The following CTIF variants were observed in gnomAD, a reference collection of about 807,000 sequenced individuals.
The protein encoded by CTIF is cap binding complex dependent translation initiation factor.
Under a neutral mutation model 66.0 loss-of-function variants are expected in CTIF, and 21 were observed. That is an observed-to-expected ratio of 0.32 (90% CI 0.23 to 0.46). CTIF has a LOEUF of 0.46. Among genes scored for constraint, CTIF ranks in the 20% least tolerant of loss-of-function variants. CTIF has a pLI of 1.00. For missense variants in CTIF, 739 were observed against 812.7 expected (o/e 0.91, Z 1.10); for synonymous variants, 345 against 326.4 (o/e 1.06, Z -0.62).
At chr18:48,544,968 G>A (rs1037564286) in intron 1 of CTIF, among the ~76,000 whole-genome samples, 1 of 152,198 alleles carries the variant, frequency 6.6e-6, no homozygotes, top group African/African-American at 2.4e-5. Context: ...GTAGAGAGAA[G>A]CCCAAGGCCC....
intron 2 of CTIF, among the ~76,000 whole-genome samples, chr18:48,626,276 C>T (rs1248506473): frequency 3.9e-5 from 6 of 152,144 alleles, no homozygotes; most frequent in Non-Finnish European, 4.4e-5. Context: ...GCTGGGATTA[C>T]AGGCGTGAGC....
At chr18:48,729,173 G>C (rs1048736318) in intron 7 of CTIF, among the ~76,000 whole-genome samples, 26 of 152,164 alleles carry the variant, frequency 1.7e-4, no homozygotes, top group African/African-American at 5.6e-4. Context: ...GAAGCCAGGG[G>C]ATGCTGTTGC....
Position 48,761,715 on chromosome 18 carries a change from C to T in CTIF, c.1371+26C>T. 1 of 1,591,328 alleles carries T rather than the reference C, an allele frequency of 6.3e-7. No homozygotes were observed. Among genetic ancestry groups the T allele is most frequent in the South Asian group, 1.1e-5 (1 of 88,474 alleles). ...GTAACTGGACGCCGGCCACCACCGC[C>T]CCGCGCCCCCTGCCCCTCTGCGTTC... On this transcript the variant is annotated intron_variant, in intron 9 of 11. Coordinates refer to ENST00000256413, the MANE Select transcript of CTIF (RefSeq NM_014772.3). The surrounding 1 kb of genome is among the most constrained non-coding windows in gnomAD (Gnocchi z 4.2).
chr18:48,804,996 A>T (rs2068115704), intron 9 of CTIF, among the ~76,000 whole-genome samples: 1 of 152,196 alleles, frequency 6.6e-6, no homozygotes, highest in African/African-American at 2.4e-5. Context: ...AGTCACAGGA[A>T]CCAACTTGAG....
intron 6 of CTIF, among the ~76,000 whole-genome samples, chr18:48,689,373 G>T (rs927547558): frequency 6.6e-6 from 1 of 152,196 alleles, no homozygotes; most frequent in Admixed American, 6.5e-5. Context: ...GTTGTTCAAA[G>T]CATGCAGAAG....
At chr18:48,655,535 T>A (rs2091233477) in intron 3 of CTIF, among the ~76,000 whole-genome samples, 1 of 152,220 alleles carries the variant, frequency 6.6e-6, no homozygotes, top group East Asian at 1.9e-4. Flanking sequence ...CATCCTGCAC[T>A]GAGAAGGGTG....
At chr18:48,564,669 A>T (rs1444054501) in intron 1 of CTIF, 2 of 152,282 alleles carry the variant, frequency 1.3e-5, no homozygotes, top group Non-Finnish European at 2.9e-5. Context: ...CCCAGGCAGG[A>T]GTGCAGTGGT....
At chr18:48,680,482 G>A (rs1307869584) in intron 6 of CTIF, among the ~76,000 whole-genome samples, 3 of 152,266 alleles carry the variant, frequency 2.0e-5, no homozygotes, top group African/African-American at 7.2e-5. Flanking sequence ...GTTGAGAAGA[G>A]GCCAGCAGGG....
intron 7 of CTIF, among the ~76,000 whole-genome samples, 173 bp downstream of exon 7, chr18:48,711,868 G>A (rs1254881592): frequency 6.6e-6 from 1 of 152,158 alleles, no homozygotes; most frequent in Non-Finnish European, 1.5e-5. Context: ...GGGGCAGAGT[G>A]GCGGCTCCAC....
chr18:48,816,012 G>T (rs2068355903), intron 9 of CTIF, among the ~76,000 whole-genome samples: 1 of 152,166 alleles, frequency 6.6e-6, no homozygotes, highest in Non-Finnish European at 1.5e-5. Flanking sequence ...AGCTATTGAG[G>T]CTGAACAAAC....
intron 3 of CTIF, among the ~76,000 whole-genome samples, chr18:48,639,592 GC>G (rs919446888): frequency 2.0e-5 from 3 of 152,206 alleles, no homozygotes; most frequent in Non-Finnish European, 2.9e-5. Context: ...CCTGTGGTTG[GC>G]AGCACCTTGG....
chr18:48,671,548 C>T (rs772841006), intron 6 of CTIF, among the ~76,000 whole-genome samples: 4 of 152,164 alleles, frequency 2.6e-5, no homozygotes, highest in Non-Finnish European at 5.9e-5. Context: ...ATGCCTTGGG[C>T]CTATCAATGA....
At chr18:48,753,381 T>G (rs916725308) in intron 7 of CTIF, among the ~76,000 whole-genome samples, 10 of 152,244 alleles carry the variant, frequency 6.6e-5, no homozygotes, top group Non-Finnish European at 5.9e-5. Context: ...TGTCTCCATT[T>G]GGACTGCTGT....
At chr18:48,749,150 C>G (rs1450643281) in intron 7 of CTIF, among the ~76,000 whole-genome samples, 1 of 152,246 alleles carries the variant, frequency 6.6e-6, no homozygotes, top group African/African-American at 2.4e-5. Context: ...AAGATTAAAA[C>G]AGGCAAGGAA....
At chr18:48,795,012 G>A (rs906938351) in intron 9 of CTIF, among the ~76,000 whole-genome samples, 1 of 152,162 alleles carries the variant, frequency 6.6e-6, no homozygotes, top group Admixed American at 6.5e-5. Flanking sequence ...TCCTGTGTGA[G>A]GATTCATGCA....
At chr18:48,793,911 A>G (rs1170066380) in intron 9 of CTIF, among the ~76,000 whole-genome samples, 1 of 152,228 alleles carries the variant, frequency 6.6e-6, no homozygotes, top group African/African-American at 2.4e-5. Flanking sequence ...CCAGCCTTGC[A>G]GATGAGATCC....
intron 6 of CTIF, among the ~76,000 whole-genome samples, chr18:48,706,999 C>A (rs1419769528): frequency 1.3e-5 from 2 of 152,182 alleles, no homozygotes; most frequent in Non-Finnish European, 2.9e-5. Context: ...GAAAAGCAGG[C>A]AGGGCCTGGT....
rs576864894 is a variant in CTIF, at chr18:48,680,969, G to A, written c.507+10225G>A. Among the ~76,000 whole-genome samples the A allele has an allele frequency of 2.7e-4, 41 of 152,330 alleles. 1 individual carries two copies. The South Asian group carries it at 4.8e-3, about 18-fold the overall frequency. ...CAGTGGTGGTGGAGGGGGCGGGGAC[G>A]GACAGGGCTACGTGCTCTCCAGCAG... On this transcript the variant is annotated intron_variant, in intron 6 of 11. Coordinates refer to ENST00000256413, the MANE Select transcript of CTIF (RefSeq NM_014772.3).
intron 10 of CTIF, among the ~76,000 whole-genome samples, chr18:48,822,827 T>G (rs2146373876): frequency 1.3e-5 from 2 of 152,320 alleles, no homozygotes; most frequent in South Asian, 4.1e-4. Flanking sequence ...GTTTGTCTTT[T>G]GTTTTTTTTG....
Sources: allele counts gnomAD v4.1 joint callset (sites outside exome capture counted in the v4.1 genomes callset), GRCh38; gene constraint gnomAD v4.1.1; non-coding constraint Gnocchi (gnomAD v3.1); transcripts MANE v1.5; gene names NCBI Gene and HGNC (gene_info 2026-07-23, HGNC 2026-07-21).